NBAS: variants seen among roughly 807,000 people sequenced by gnomAD.
NBAS encodes the protein NAG/BC035112 fusion.
In NBAS, 219 loss-of-function variants were observed where a neutral mutation model predicts 302.5. The ratio of observed to expected loss-of-function variants is 0.72; its 90% confidence interval spans 0.65 to 0.81. The LOEUF (loss-of-function observed/expected upper bound fraction) is 0.81, where lower values mean the gene tolerates loss of function less well. Among genes scored for constraint, NBAS ranks in the 30% least tolerant of loss-of-function variants. The pLI is 0.00. For synonymous variants in NBAS, 1,118 were observed against 1,021.6 expected, an observed-to-expected ratio of 1.09 and a Z score of -1.80; for missense variants, 2,932 against 2,841.6, an observed-to-expected ratio of 1.03 and a Z score of -0.72.
At chr2:15,035,943 CA>C in the NBAS span, among the ~76,000 whole-genome samples, 1 of 152,184 alleles carries the variant, frequency 6.6e-6, no homozygotes, top group East Asian at 1.9e-4. Flanking sequence ...TGCAGCAAAC[CA>C]CCATGGCACA....
At chr2:15,499,439 A>G (rs554298220) in intron 11 of NBAS, among the ~76,000 whole-genome samples, 90 of 152,352 alleles carry the variant, frequency 5.9e-4, no homozygotes, top group African/African-American at 1.9e-3. Context: ...AAAGAACAAC[A>G]CTATGTCCTT....
intron 23 of NBAS, among the ~76,000 whole-genome samples, chr2:15,420,572 G>A (rs1677162755): frequency 6.6e-6 from 1 of 152,124 alleles, no homozygotes; most frequent in South Asian, 2.1e-4. Context: ...AGTAAAGAAG[G>A]AGAGGTAAAA....
intron 40 of NBAS, among the ~76,000 whole-genome samples, chr2:15,300,014 A>G (rs931157699): frequency 1.3e-5 from 2 of 152,238 alleles, no homozygotes; most frequent in African/African-American, 4.8e-5. Flanking sequence ...CCATCAATGC[A>G]TAAAATTAAA....
At chr2:15,205,357 A>G (rs888814871) in intron 48 of NBAS, among the ~76,000 whole-genome samples, 1 of 152,114 alleles carries the variant, frequency 6.6e-6, no homozygotes, top group African/African-American at 2.4e-5. Flanking sequence ...AGAAGACAAC[A>G]ACACAAAAGA....
chr2:14,959,848 C>T, the NBAS span, among the ~76,000 whole-genome samples: 2 of 152,300 alleles, frequency 1.3e-5, no homozygotes, highest in East Asian at 3.9e-4. Context: ...GTTAATATTT[C>T]TGTTACCTTC....
intron 33 of NBAS, among the ~76,000 whole-genome samples, chr2:15,355,974 T>C (rs1366213311): frequency 1.3e-5 from 2 of 152,148 alleles, no homozygotes; most frequent in East Asian, 3.8e-4. Flanking sequence ...CAAACTAATA[T>C]AAAAATTTAA....
At chr2:15,539,949 A>AT (rs1404417043) in intron 6 of NBAS, among the ~76,000 whole-genome samples, 17 of 152,120 alleles carry the variant, frequency 1.1e-4, no homozygotes, top group African/African-American at 4.1e-4. Flanking sequence ...CAATTTCAAG[A>AT]TTTTGATAAT....
At chr2:14,980,756 A>ATT in the NBAS span, among the ~76,000 whole-genome samples, 1 of 152,246 alleles carries the variant, frequency 6.6e-6, no homozygotes, top group African/African-American at 2.4e-5. Flanking sequence ...AAGATATAAA[A>ATT]GAAACAATCA....
chr2:15,199,588 T>C (rs72776617), intron 48 of NBAS, among the ~76,000 whole-genome samples: 14,759 of 152,152 alleles, frequency 0.097, 1,226 homozygotes, highest in East Asian at 0.33. Flanking sequence ...TCAACATATC[T>C]CACTACAGGA....
chr2:15,023,735 A>C, the NBAS span, among the ~76,000 whole-genome samples: 1 of 151,238 alleles, frequency 6.6e-6, no homozygotes, highest in Non-Finnish European at 1.5e-5. Flanking sequence ...TAAGTTGAAA[A>C]TGTACAACTT....
chr2:15,474,300 G>A lies in NBAS; in HGVS notation c.1366C>T (p.Arg456Ter), dbSNP rs372603397. 21 of 1,613,320 alleles carry A rather than the reference G, an allele frequency of 1.3e-5. No individual in the cohort carries two copies. Among genetic ancestry groups the A allele is most frequent in the East Asian group, 4.5e-5 (2 of 44,864 alleles). The change falls in exon 15 of 52, where the codon CGA becomes TGA. Residue 456 changes from arginine (R) to a stop codon, truncating the protein, a stop_gained. Coordinates refer to ENST00000281513, the MANE Select transcript of NBAS (RefSeq NM_015909.4). LOFTEE classifies it high-confidence loss of function. ...CCAGCTCTAGTCTCCAAACGAGATC[G>A]TTTGGGGGCAAGTTTAATCTCACAC... ...LECEIKLAPKRSRLETRAGEE... is the reference protein window; with the variant it reads ...LECEIKLAPK
chr2:15,219,579 G>A (rs1453463751), intron 47 of NBAS, among the ~76,000 whole-genome samples: 1 of 136,170 alleles, frequency 7.3e-6, no homozygotes, highest in African/African-American at 2.8e-5. Context: ...ATCTTGCACC[G>A]CCCTTAATCC....
At chr2:15,439,322 A>T (rs1336334221) in intron 21 of NBAS, among the ~76,000 whole-genome samples, 2 of 151,790 alleles carry the variant, frequency 1.3e-5, no homozygotes, top group African/African-American at 4.8e-5. Flanking sequence ...AAAAAAAAAA[A>T]AAAGAATATT....
At chr2:15,419,057 C>A (rs572560634) in intron 23 of NBAS, among the ~76,000 whole-genome samples, 2 of 152,262 alleles carry the variant, frequency 1.3e-5, no homozygotes, top group Admixed American at 6.5e-5. Context: ...GAAATTCTGA[C>A]AGAAACACAC....
At chr2:15,063,805 A>G in the NBAS span, among the ~76,000 whole-genome samples, 1 of 152,210 alleles carries the variant, frequency 6.6e-6, no homozygotes, top group Non-Finnish European at 1.5e-5. Context: ...AGGAGAAACC[A>G]CATGACCACT....
intron 10 of NBAS, 149 bp from the exon 11 acceptor site, chr2:15,504,362 G>A (rs1661742326): frequency 8.3e-6 from 6 of 721,828 alleles, no homozygotes; most frequent in Admixed American, 2.5e-5. Context: ...AAGGATCTTG[G>A]TGAGATTTTG....
At chr2:14,955,318 C>A in the NBAS span, among the ~76,000 whole-genome samples, 7 of 152,334 alleles carry the variant, frequency 4.6e-5, no homozygotes, top group African/African-American at 1.4e-4. Context: ...ATACAGCCCA[C>A]CTCCCAGCTG....
chr2:15,453,126 A>G (rs1679095835), intron 21 of NBAS, among the ~76,000 whole-genome samples: 1 of 152,154 alleles, frequency 6.6e-6, no homozygotes, highest in African/African-American at 2.4e-5. Context: ...GACACTCCCC[A>G]GTTAAAATTG....
At chr2:14,813,235 C>T in the NBAS span, among the ~76,000 whole-genome samples, 1 of 152,036 alleles carries the variant, frequency 6.6e-6, no homozygotes, top group Non-Finnish European at 1.5e-5. Flanking sequence ...GTGGAAGCAA[C>T]CTTAAAACTG....
Sources: gnomAD v4.1 joint callset for allele counts (sites outside exome capture counted in the v4.1 genomes callset) on GRCh38, gnomAD v4.1.1 for gene constraint, MANE v1.5 for transcripts, NCBI Gene and HGNC (gene_info 2026-07-23, HGNC 2026-07-21) for gene names.